FTO: variants seen among roughly 807,000 people sequenced by gnomAD.
FTO encodes the protein alpha-ketoglutarate-dependent dioxygenase FTO.
Under a neutral mutation model 63.9 loss-of-function variants are expected in FTO, and 47 were observed. The observed-to-expected ratio is 0.74, with a 90% CI of 0.58 to 0.94. FTO has a LOEUF of 0.94. FTO is among the 40% of genes least tolerant of loss of function. The pLI is 0.00. For missense variants in FTO, 562 were observed against 618.1 expected, an observed-to-expected ratio of 0.91 and a Z score of 0.96; for synonymous variants, 207 against 224.4, an observed-to-expected ratio of 0.92 and a Z score of 0.69.
At chr16:53,931,088 C>T (rs1348444627) in intron 7 of FTO, among the ~76,000 whole-genome samples, 2 of 151,946 alleles carry the variant, frequency 1.3e-5, no homozygotes, top group African/African-American at 2.4e-5. Context: ...CTATGGAAAA[C>T]AAGGGCCCCT....
intron 1 of FTO, among the ~76,000 whole-genome samples, chr16:53,781,403 T>A (rs2077585079): frequency 6.6e-6 from 1 of 152,236 alleles, no homozygotes; most frequent in Non-Finnish European, 1.5e-5. Flanking sequence ...CAGCCATTTG[T>A]GTGAACATGA....
intron 7 of FTO, among the ~76,000 whole-genome samples, chr16:53,923,630 C>A (rs750120003): frequency 4.7e-4 from 71 of 152,112 alleles, no homozygotes; most frequent in Admixed American, 1.4e-3. Context: ...CTTCTATAAA[C>A]AACACTTTTT....
At chr16:53,719,896 T>G (rs183850033) in intron 1 of FTO, among the ~76,000 whole-genome samples, 134 of 152,306 alleles carry the variant, frequency 8.8e-4, no homozygotes, top group African/African-American at 2.8e-3. Context: ...TTCTAATGAT[T>G]TTTTTCATTT....
chr16:53,795,452 TGTGTGTGTGTGTGTGCGTGC>T (rs1187959718), intron 1 of FTO, among the ~76,000 whole-genome samples: 1 of 150,666 alleles, frequency 6.6e-6, no homozygotes, highest in East Asian at 1.9e-4. Context: ...AATACATTTG[TGTGTGTGTGTGTGTGCGTGC>T]GTGTGTGTGT....
At chr16:53,890,441 T>C (rs77465456) in intron 7 of FTO, among the ~76,000 whole-genome samples, 1 of 152,030 alleles carries the variant, frequency 6.6e-6, no homozygotes, top group Non-Finnish European at 1.5e-5. Context: ...ATAAGAACAC[T>C]TAACATAGGA....
At chr16:53,898,720 C>A (rs562637338) in intron 7 of FTO, among the ~76,000 whole-genome samples, 2 of 152,152 alleles carry the variant, frequency 1.3e-5, no homozygotes, top group Non-Finnish European at 2.9e-5. Flanking sequence ...TACTCTGTTG[C>A]CTAGGCTAGA....
chr16:53,848,407 A>C (rs2079695205), intron 4 of FTO, among the ~76,000 whole-genome samples: 1 of 152,150 alleles, frequency 6.6e-6, no homozygotes, highest in South Asian at 2.1e-4. Context: ...CCTGTAATAA[A>C]TCCACTGCCC....
At chr16:53,763,305 T>C (rs2077116729) in intron 1 of FTO, among the ~76,000 whole-genome samples, 1 of 152,248 alleles carries the variant, frequency 6.6e-6, no homozygotes, top group East Asian at 1.9e-4. Context: ...CTAACATTAT[T>C]AAAAGTAATT....
At chr16:53,719,006 C>CT (rs2075963971) in intron 1 of FTO, among the ~76,000 whole-genome samples, 2 of 151,990 alleles carry the variant, frequency 1.3e-5, no homozygotes, top group African/African-American at 4.8e-5. Flanking sequence ...TTTGTAAAGC[C>CT]TAATAAAGCA....
chr16:54,019,883 G>A (rs7186220), intron 8 of FTO, among the ~76,000 whole-genome samples: 40,736 of 152,054 alleles, frequency 0.27, 6,066 homozygotes, highest in East Asian at 0.37. Context: ...CCTCCAGTGA[G>A]AGATCAGAAA....
At chr16:53,801,048 A>G (rs779245676) in intron 1 of FTO, among the ~76,000 whole-genome samples, 2 of 152,090 alleles carry the variant, frequency 1.3e-5, no homozygotes, top group Non-Finnish European at 2.9e-5. Flanking sequence ...AAAAAATCCA[A>G]TTTGACAGTT....
At position 54,119,448 on chromosome 16, in the gene FTO, A is replaced by C. The variant is rs146557574; in HGVS notation, c.*7533A>C. The C allele has an allele frequency of 6.6e-6, 1 of 152,140 alleles. No homozygotes were observed. The highest frequency in any genetic ancestry group is 2.4e-5 in the African/African-American group (1 of 41,474). 9.4% of individuals were successfully genotyped at this position (152,140 alleles called of 1,614,324 possible). On this transcript the variant is annotated 3_prime_UTR_variant, in exon 9 of 9. Coordinates refer to ENST00000471389, the MANE Select transcript of FTO (RefSeq NM_001080432.3). Reference sequence around the variant, plus strand: ...GTCACCTTCCTTCCCCCTGCCCCCAACTCTGCAGACAGAGGTTTCCCGTTG... The same window carrying C: ...GTCACCTTCCTTCCCCCTGCCCCCACCTCTGCAGACAGAGGTTTCCCGTTG...
intron 1 of FTO, among the ~76,000 whole-genome samples, chr16:53,804,589 G>A (rs1431944359): frequency 6.7e-6 from 1 of 149,936 alleles, no homozygotes; most frequent in African/African-American, 2.4e-5. Flanking sequence ...TATGGTATAT[G>A]TGAAATATTT....
At chr16:53,794,666 T>C (rs2078014455) in intron 1 of FTO, among the ~76,000 whole-genome samples, 1 of 152,168 alleles carries the variant, frequency 6.6e-6, no homozygotes, top group Non-Finnish European at 1.5e-5. Context: ...AGATTCAATT[T>C]CAAGAATAGC....
chr16:53,755,094 C>A (rs1390316933), intron 1 of FTO, among the ~76,000 whole-genome samples: 1 of 152,216 alleles, frequency 6.6e-6, no homozygotes, highest in East Asian at 1.9e-4. Context: ...TTATGTTTAG[C>A]TGACTGACTA....
intron 8 of FTO, among the ~76,000 whole-genome samples, chr16:53,968,776 C>T (rs184614114): frequency 3.3e-5 from 5 of 152,260 alleles, no homozygotes; most frequent in Non-Finnish European, 7.4e-5. Context: ...CCAAGTAAAC[C>T]AGTGCTCAGC....
At chr16:53,945,485 C>T (rs1379331578) in intron 8 of FTO, among the ~76,000 whole-genome samples, 4 of 152,156 alleles carry the variant, frequency 2.6e-5, no homozygotes, top group Admixed American at 1.3e-4. Flanking sequence ...ACCACTGATA[C>T]GATTCACTTA....
At chr16:53,963,675 T>C (rs1008141638) in intron 8 of FTO, among the ~76,000 whole-genome samples, 2 of 152,202 alleles carry the variant, frequency 1.3e-5, no homozygotes, top group African/African-American at 4.8e-5. Flanking sequence ...CATTGTAAGT[T>C]TCCTGAGGCC....
At chr16:54,016,180 C>T (rs1430567322) in intron 8 of FTO, among the ~76,000 whole-genome samples, 5 of 152,122 alleles carry the variant, frequency 3.3e-5, no homozygotes, top group African/African-American at 9.6e-5. Flanking sequence ...CAAATCCAGA[C>T]TGTCTCATTC....
Sources: gnomAD v4.1 joint callset for allele counts (sites outside exome capture counted in the v4.1 genomes callset) on GRCh38, gnomAD v4.1.1 for gene constraint, MANE v1.5 for transcripts, NCBI Gene and HGNC (gene_info 2026-07-23, HGNC 2026-07-21) for gene names.